The following PRAM1 variants were observed in gnomAD, a reference collection of about 807,000 sequenced individuals.
PRAM1 encodes PML-RARA-regulated adapter molecule 1.
In PRAM1, 41 loss-of-function variants were observed where a neutral mutation model predicts 55.3. The observed-to-expected ratio is 0.74, with a 90% CI of 0.58 to 0.96. The LOEUF (loss-of-function observed/expected upper bound fraction) is 0.96, where lower values mean the gene tolerates loss of function less well. Among genes scored for constraint, PRAM1 ranks in the 40% least tolerant of loss-of-function variants. PRAM1 has a pLI of 0.00. For missense variants in PRAM1, 898 were observed against 892.7 expected, an observed-to-expected ratio of 1.01 and a Z score of -0.08; for synonymous variants, 401 against 387.1, an observed-to-expected ratio of 1.04 and a Z score of -0.42.
chr19:8,501,243 C>T, intron 1 of PRAM1, among the ~76,000 whole-genome samples: 1 of 151,674 alleles, frequency 6.6e-6, no homozygotes. Context: ...AGGTGTCTGC[C>T]ACGACGCCTG....
In PRAM1 at chr19:8,498,293, T is replaced by TG. The variant is rs753869327; in HGVS notation, c.1433-5dup. 3.7e-6 allele frequency: 6 copies of TG among 1,611,230 alleles called. No homozygotes were observed. The highest frequency in any genetic ancestry group is 1.6e-4 in the Middle Eastern group (1 of 6,070). On this transcript the variant is annotated splice_polypyrimidine_tract_variant and splice_region_variant and intron_variant, in intron 2 of 9. Coordinates refer to ENST00000423345, the MANE Select transcript of PRAM1 (RefSeq NM_032152.5). Reference sequence around the variant, plus strand: ...GCCGAGCGGGTCCTCCGTAGATCTGTGGGGTAGAGAGTAGGGCAGGGAAGC... The same window carrying TG: ...GCCGAGCGGGTCCTCCGTAGATCTGTGGGGGTAGAGAGTAGGGCAGGGAAGC...
chr19:8,491,474 C>G (rs1971628659), intron 4 of PRAM1: 1 of 461,800 alleles, frequency 2.2e-6, no homozygotes, highest in Admixed American at 3.5e-5. Context: ...CTCAGGCAAT[C>G]CACTCGCCTC....
In PRAM1 at chr19:8,498,207, T is replaced by C. The variant is rs758680712; in HGVS notation, c.1499+16A>G. On this transcript the variant is annotated intron_variant, in intron 3 of 9. Transcript: ENST00000423345. ...CCCACAATCCGCACCCACCTCCGCT[T>C]CCTCCCCACACTCACTGCGGGATGT... is the stretch of plus-strand genomic sequence containing the variant. The C allele has an allele frequency of 1.1e-5, 17 of 1,609,820 alleles. No homozygotes were observed. In the African/African-American group the frequency reaches 1.9e-4, roughly 18 times the overall value.
chr19:8,502,393 G>A (rs1313758704), intron 1 of PRAM1, among the ~76,000 whole-genome samples, 172 bp downstream of exon 1: 1 of 151,962 alleles, frequency 6.6e-6, no homozygotes, highest in Non-Finnish European at 1.5e-5. Flanking sequence ...GGGTGTGCCT[G>A]GTGGCCGCCT....
intron 3 of PRAM1, 91 bp from the exon 4 acceptor site, chr19:8,497,931 G>C: frequency 1.1e-6 from 1 of 927,102 alleles, no homozygotes; most frequent in Non-Finnish European, 1.5e-6. Context: ...AGGCTGGAGT[G>C]GTGCAGGGGC....
intron 1 of PRAM1, among the ~76,000 whole-genome samples, chr19:8,500,767 G>A (rs1048382484): frequency 1.3e-5 from 2 of 151,996 alleles, no homozygotes; most frequent in African/African-American, 4.8e-5. Flanking sequence ...CACCCTATTT[G>A]TTTATTTTTA....
At position 8,499,032 on chromosome 19, in the gene PRAM1, G is replaced by T; in HGVS notation, c.776C>A (p.Ser259Tyr). 1 of 1,613,778 alleles carries T rather than the reference G, an allele frequency of 6.2e-7. No homozygotes were observed. Among genetic ancestry groups the T allele is most frequent in the Non-Finnish European group, 8.5e-7 (1 of 1,179,846 alleles). ...AAQTPLWKPQ[S>Y]SEPKRDSSAF... ...GCTGGAGTCGCGCTTCGGCTCGCTG[G>T]ACTGAGGCTTCCAGAGGGGAGTCTG... Residue 259 changes from serine (S) to tyrosine (Y), a missense_variant, in exon 2 of 10, where the codon TCC (serine) becomes TAC (tyrosine). Ser to Tyr is a moderately radical substitution (Grantham distance 144). Transcript: ENST00000423345.
At chr19:8,495,906 C>A in intron 4 of PRAM1, 1 of 359,214 alleles carries the variant, frequency 2.8e-6, no homozygotes, top group Middle Eastern at 3.8e-4. Context: ...AAGGTGCTTG[C>A]CTGGAAGCTG....
At chr19:8,492,567 T>C (rs781143859) in intron 4 of PRAM1, among the ~76,000 whole-genome samples, 3 of 151,494 alleles carry the variant, frequency 2.0e-5, no homozygotes, top group Admixed American at 6.6e-5. Flanking sequence ...GGTTCTGGGG[T>C]TCTACTGTAA....
At chr19:8,502,472 GC>G (rs1971819253) in intron 1 of PRAM1, 92 bp downstream of exon 1, 16 of 251,002 alleles carry the variant, frequency 6.4e-5, no homozygotes, top group Non-Finnish European at 1.1e-4. Context: ...CCGCCCCCCC[GC>G]CCGCCCCTCC....
At chr19:8,502,536 G>A in intron 1 of PRAM1, 29 bp downstream of exon 1, 1 of 1,335,790 alleles carries the variant, frequency 7.5e-7, no homozygotes, top group African/African-American at 1.6e-5. Flanking sequence ...TTCCCAGCCA[G>A]TGAGGCACAG....
chr19:8,497,626 T>C lies in PRAM1; in HGVS notation c.1576+138A>G, dbSNP rs950787292. Reference sequence around the variant, plus strand: ...ACAGCCTTCTCACTGGTCCTTCGCCTCTGGGCTCCCCTTATGTAGTTCCAC... The same window carrying C: ...ACAGCCTTCTCACTGGTCCTTCGCCCCTGGGCTCCCCTTATGTAGTTCCAC... On this transcript the variant is annotated intron_variant, in intron 4 of 9. Transcript: ENST00000423345. 3 of 650,040 alleles carry C rather than the reference T, an allele frequency of 4.6e-6. No homozygotes were observed. The African/African-American group carries it at 5.6e-5, about 12-fold the overall frequency. 40.3% of individuals were successfully genotyped at this position (650,040 alleles called of 1,614,324 possible).
rs1971656737 is a variant in PRAM1 at position 8,493,454 on chromosome 19, A to G, written c.1577-2297T>C. On this transcript the variant is annotated intron_variant, in intron 4 of 9. Transcript: ENST00000423345. This position sits in a 1 kb window ranked among gnomAD's most constrained non-coding sequence, Gnocchi z 4.1. Reference sequence around the variant, plus strand: ...GGAGCGAACCTGACCTTGGCACTCCAGGGTCCCTGCAAACCCGCCACATTA... The same window carrying G: ...GGAGCGAACCTGACCTTGGCACTCCGGGGTCCCTGCAAACCCGCCACATTA... 6.6e-6 allele frequency among the ~76,000 whole-genome samples: 1 copy of G among 152,178 alleles called. No individual in the cohort carries two copies. The highest frequency in any genetic ancestry group is 1.5e-5 in the Non-Finnish European group (1 of 68,016).
At chr19:8,497,225 C>T (rs902913133) in intron 4 of PRAM1, among the ~76,000 whole-genome samples, 8 of 145,534 alleles carry the variant, frequency 5.5e-5, no homozygotes, top group Non-Finnish European at 8.9e-5. Flanking sequence ...GGCTGGAGTA[C>T]AGTGGTGGAG....
chr19:8,494,945 T>C (rs1231611998), intron 4 of PRAM1, among the ~76,000 whole-genome samples: 1 of 149,208 alleles, frequency 6.7e-6, no homozygotes, highest in Non-Finnish European at 1.5e-5. Context: ...TTTTTTTTTT[T>C]TCAACTGAGA....
chr19:8,502,616 G>C lies in PRAM1; in HGVS notation c.-25C>G, dbSNP rs968501. ...TGGGATGAGTGGGACCCGAGCTGGG[G>C]CCGCTGCCTTCAGGAAGTGACTGTG... On this transcript the variant is annotated 5_prime_UTR_variant, in exon 1 of 10. Transcript: ENST00000423345. 1 of 1,547,990 alleles carries C rather than the reference G, an allele frequency of 6.5e-7. No homozygotes were observed.
chr19:8,502,637 CTG>C lies in PRAM1; in HGVS notation c.-48_-47del. 6.5e-7 allele frequency: 1 copy of C among 1,528,486 alleles called. No homozygotes were observed. Among genetic ancestry groups the C allele is most frequent in the African/African-American group, 1.4e-5 (1 of 71,876 alleles). The allele number at this position is 1,528,486 out of a possible 1,614,324, so 94.7% of individuals were successfully genotyped here. On this transcript the variant is annotated 5_prime_UTR_variant, in exon 1 of 10. Transcript: ENST00000423345. ...TGGGGCCGCTGCCTTCAGGAAGTGA[CTG>C]TGGCTTCTGCTCCACGGTCAGCACA...
chr19:8,498,319 C>A, intron 2 of PRAM1, 30 bp from the exon 3 acceptor site: 1 of 1,604,782 alleles, frequency 6.2e-7, no homozygotes, highest in Non-Finnish European at 8.5e-7. Flanking sequence ...GCAGGGAAGC[C>A]GGCACTGCCT....
chr19:8,492,952 G>A (rs534152065), intron 4 of PRAM1, among the ~76,000 whole-genome samples: 2 of 152,242 alleles, frequency 1.3e-5, no homozygotes, highest in Admixed American at 1.3e-4. Context: ...AGTCAAGATG[G>A]CGCCGCTGCA....
Sources: gnomAD v4.1 joint callset for allele counts (sites outside exome capture counted in the v4.1 genomes callset) on GRCh38, gnomAD v4.1.1 for gene constraint, Gnocchi (gnomAD v3.1) non-coding constraint, MANE v1.5 for transcripts, NCBI Gene and HGNC (gene_info 2026-07-23, HGNC 2026-07-21) for gene names.